Variants in CATSPERT observed in about 807,000 individuals in gnomAD.
CATSPERT encodes the protein cation channel sperm-associated targeting subunit tau.
the CATSPERT span, among the ~76,000 whole-genome samples, chr2:201,533,685 G>C: frequency 6.6e-6 from 1 of 152,136 alleles, no homozygotes; most frequent in Non-Finnish European, 1.5e-5. Context: ...AGTATATTTT[G>C]CATGTGGGAG....
the CATSPERT span, among the ~76,000 whole-genome samples, chr2:201,565,392 T>C: frequency 6.6e-6 from 1 of 151,986 alleles, no homozygotes; most frequent in Admixed American, 6.6e-5. Flanking sequence ...GAAGATTGCT[T>C]GAGCCCAAGA....
chr2:201,493,392 C>T, the CATSPERT span: 3 of 1,536,968 alleles, frequency 2.0e-6, no homozygotes, highest in African/African-American at 2.7e-5. Flanking sequence ...GAGGTTCTGT[C>T]TCGCTTCTGA....
chr2:201,500,691 C>T, the CATSPERT span, among the ~76,000 whole-genome samples: 37 of 152,100 alleles, frequency 2.4e-4, no homozygotes, highest in African/African-American at 8.2e-4. Context: ...GATGGCTGTC[C>T]ATAAAGAAAA....
the CATSPERT span, among the ~76,000 whole-genome samples, chr2:201,569,246 G>A: frequency 1.3e-5 from 2 of 152,218 alleles, no homozygotes; most frequent in African/African-American, 2.4e-5. Flanking sequence ...CTCAAGTCTG[G>A]GAATTGATTG....
chr2:201,564,786 C>A, the CATSPERT span, among the ~76,000 whole-genome samples: 3 of 151,982 alleles, frequency 2.0e-5, no homozygotes, highest in Non-Finnish European at 4.4e-5. Flanking sequence ...CTTGGATGTC[C>A]CAGCCTCCAG....
At chr2:201,519,293 A>G in the CATSPERT span, among the ~76,000 whole-genome samples, 4 of 152,202 alleles carry the variant, frequency 2.6e-5, no homozygotes, top group African/African-American at 9.7e-5. Flanking sequence ...CTACATGGTG[A>G]CTATACTACT....
the CATSPERT span, among the ~76,000 whole-genome samples, chr2:201,595,051 G>T: frequency 6.6e-6 from 1 of 152,208 alleles, no homozygotes; most frequent in Non-Finnish European, 1.5e-5. Flanking sequence ...GAGGAGAGGC[G>T]CTCTGTTTTT....
At chr2:201,574,186 T>C in the CATSPERT span, 24 of 1,547,482 alleles carry the variant, frequency 1.6e-5, no homozygotes, top group Middle Eastern at 3.4e-4. Context: ...AACAGAATAA[T>C]CTTTTAAAAG....
the CATSPERT span, among the ~76,000 whole-genome samples, chr2:201,601,273 AGTGT>A: frequency 0.023 from 963 of 41,840 alleles, 14 homozygotes; most frequent in African/African-American, 0.051. Context: ...TAAGGATGAT[AGTGT>A]GTGTGTGTGT....
At chr2:201,492,478 C>T in the CATSPERT span, 18 of 1,534,550 alleles carry the variant, frequency 1.2e-5, no homozygotes, top group East Asian at 3.9e-4. Context: ...TTCAAACCTT[C>T]TACCAAAACT....
At chr2:201,601,859 TA>T in the CATSPERT span, 1 of 1,603,162 alleles carries the variant, frequency 6.2e-7, no homozygotes, top group South Asian at 1.1e-5. Flanking sequence ...TGCGAATGAA[TA>T]AATTAGCATA....
At chr2:201,591,380 T>A in the CATSPERT span, among the ~76,000 whole-genome samples, 3 of 152,238 alleles carry the variant, frequency 2.0e-5, no homozygotes, top group Non-Finnish European at 4.4e-5. Context: ...CTGTTTTGGT[T>A]ACTGTAGTCT....
the CATSPERT span, chr2:201,491,018 TG>T: frequency 1.5e-6 from 1 of 682,976 alleles, no homozygotes; most frequent in Non-Finnish European, 2.3e-6. Context: ...CCACCACACC[TG>T]GTCTTTCAGA....
chr2:201,553,211 T>A, the CATSPERT span: 4 of 152,210 alleles, frequency 2.6e-5, no homozygotes. Flanking sequence ...CTTATTCTCC[T>A]AGAAGTTTAA....
the CATSPERT span, among the ~76,000 whole-genome samples, chr2:201,600,826 A>G: frequency 6.6e-6 from 1 of 150,940 alleles, no homozygotes; most frequent in Admixed American, 6.6e-5. Flanking sequence ...ATCTCAACTC[A>G]CTGCAACCTC....
the CATSPERT span, chr2:201,553,281 C>T: frequency 6.6e-6 from 1 of 152,184 alleles, no homozygotes; most frequent in East Asian, 1.9e-4. Flanking sequence ...TACACCATAG[C>T]TTAATAGAAG....
the CATSPERT span, chr2:201,618,991 T>G: frequency 1.1e-5 from 18 of 1,613,918 alleles, no homozygotes; most frequent in South Asian, 1.8e-4. Flanking sequence ...CGAAGAAGCC[T>G]CCGACCCTTT....
chr2:201,574,093 G>A, the CATSPERT span: 1 of 641,036 alleles, frequency 1.6e-6, no homozygotes, highest in South Asian at 4.2e-5. Context: ...AGGTAAAGAA[G>A]CATCTTTTAA....
At chr2:201,491,186 C>A in the CATSPERT span, 1 of 1,529,464 alleles carries the variant, frequency 6.5e-7, no homozygotes. Flanking sequence ...GTTCTTCTTG[C>A]AGTCCAGTGA....
Sources: allele counts gnomAD v4.1 joint callset (sites outside exome capture counted in the v4.1 genomes callset), GRCh38; gene constraint gnomAD v4.1.1; transcripts MANE v1.5; gene names NCBI Gene and HGNC (gene_info 2026-07-23, HGNC 2026-07-21).